The following CDK20 variants were observed in gnomAD, a reference collection of about 807,000 sequenced individuals.
CDK20 encodes cyclin dependent kinase 20.
A neutral mutation model predicts 38.6 loss-of-function variants in CDK20; 40 were observed. The observed-to-expected ratio is 1.04, with a 90% CI of 0.81 to 1.35. The LOEUF (loss-of-function observed/expected upper bound fraction) is 1.35. Among genes scored for constraint, CDK20 ranks in the 40% most tolerant of loss-of-function variants. The probability of loss-of-function intolerance (pLI) is 0.00; values close to 1 mark genes in which losing one functional copy is unlikely to be tolerated. For missense variants in CDK20, 512 were observed against 452.6 expected, an observed-to-expected ratio of 1.13 and a Z score of -1.19; for synonymous variants, 209 against 185.7, an observed-to-expected ratio of 1.13 and a Z score of -1.02.
At chr9:87,972,443 C>A (rs982706730) in intron 2 of CDK20, among the ~76,000 whole-genome samples, 1 of 152,118 alleles carries the variant, frequency 6.6e-6, no homozygotes, top group African/African-American at 2.4e-5. Context: ...CTGCCTTGTT[C>A]TGTGCTCCTG....
chr9:87,974,183 C>T (rs1030960644), intron 1 of CDK20, 148 bp from the exon 2 acceptor site: 2 of 1,413,108 alleles, frequency 1.4e-6, no homozygotes, highest in Admixed American at 2.1e-5. Context: ...GCCTGGGACC[C>T]AGCCGCTGGG....
In CDK20 at chr9:87,967,608, C is replaced by T; in HGVS notation, c.895G>A (p.Glu299Lys). ...CCTAGACGCTGAGGAATCGGCAGCT[C>T]AGATGGATGGGCAGGCAGGGGAGCT... is the stretch of plus-strand genomic sequence containing the variant. ...FTAPLPAHPS[E>K]LPIPQRLGGP... The change falls in exon 8 of 8, where the codon GAG becomes AAG. Residue 299 changes from glutamate to lysine, a missense_variant. Transcript: ENST00000325303. The T allele has an allele frequency of 6.6e-7, 1 of 1,515,138 alleles. No homozygotes were observed. The highest frequency in any genetic ancestry group is 1.4e-5 in the African/African-American group (1 of 72,336). The allele number at this position is 1,515,138 out of a possible 1,614,324, so 93.9% of individuals were successfully genotyped here.
chr9:87,973,557 G>A (rs1201610923), intron 2 of CDK20, among the ~76,000 whole-genome samples: 45 of 152,154 alleles, frequency 3.0e-4, no homozygotes, highest in Non-Finnish European at 1.0e-4. Flanking sequence ...TAGTAAAGAG[G>A]TCTCAAAATG....
rs1829520412 is a variant in CDK20 at position 87,967,583 on chromosome 9, C to G, written c.920G>C (p.Gly307Ala). 1 of 1,539,890 alleles carries G rather than the reference C, an allele frequency of 6.5e-7. No homozygotes were observed. Among genetic ancestry groups the G allele is most frequent in the Non-Finnish European group, 8.8e-7 (1 of 1,139,944 alleles). The change falls in exon 8 of 8, where the codon GGG (glycine) becomes GCG (alanine). Residue 307 changes from glycine (G) to alanine (A), a missense_variant. Physicochemically the swap from Gly to Ala is moderately conservative, Grantham distance 60 (BLOSUM62 0). Transcript: ENST00000325303. ...PSELPIPQRL[G>A]GPAPKAHPGP... The stretch of plus-strand genomic sequence containing the variant: ...TGGATGGGCCTTGGGGGCAGGTCCC[C>G]CTAGACGCTGAGGAATCGGCAGCTC...
intron 2 of CDK20, 149 bp from the exon 3 acceptor site, chr9:87,971,484 G>A: frequency 2.9e-6 from 2 of 687,636 alleles, no homozygotes; most frequent in Non-Finnish European, 4.9e-6. Flanking sequence ...CTAAGAATCA[G>A]AGAGCTCGAT....
At chr9:87,973,646 GAAA>G (rs35629060) in intron 2 of CDK20, among the ~76,000 whole-genome samples, 35 of 151,902 alleles carry the variant, frequency 2.3e-4, no homozygotes, top group Admixed American at 3.3e-4. Context: ...CATGTTTTGA[GAAA>G]AAAAGTCGGT....
intron 1 of CDK20, 97 bp downstream of exon 1, chr9:87,974,275 A>G: frequency 1.5e-6 from 2 of 1,338,738 alleles, no homozygotes; most frequent in Non-Finnish European, 2.1e-6. Flanking sequence ...TAAAAACTGT[A>G]CTGGATGTAA....
At chr9:87,973,871 G>A (rs1206514060) in intron 2 of CDK20, 51 bp downstream of exon 2, 3 of 1,568,904 alleles carry the variant, frequency 1.9e-6, no homozygotes, top group Non-Finnish European at 1.7e-6. Context: ...ACAAAGAAGT[G>A]GGAACGAGCG....
chr9:87,974,208 C>T (rs1021678624), intron 1 of CDK20, 164 bp downstream of exon 1: 2 of 1,296,990 alleles, frequency 1.5e-6, no homozygotes, highest in Admixed American at 2.2e-5. Context: ...GGGACCAAGC[C>T]AGCTGTGCGG....
Position 87,970,629 on chromosome 9 carries a change from AC to A in CDK20, c.501del (p.Arg167SerfsTer32), listed in dbSNP as rs1486416430. ...SRLYTHQVAT[R>X]WYRAPELLYG... is the part of the protein sequence containing the mutation. ...TACAGGAGCTCGGGGGCTCGGTACC[AC>A]CTGCGAGGAAGAGGGCTGGCAGGCA... On this transcript the variant is annotated frameshift_variant and splice_region_variant, in exon 5 of 8. Transcript: ENST00000325303. LOFTEE classifies it high-confidence loss of function. The A allele has an allele frequency of 6.2e-7, 1 of 1,613,868 alleles. No homozygotes were observed. The highest frequency in any genetic ancestry group is 2.2e-5 in the East Asian group (1 of 44,840).
chr9:87,974,499 C>T lies in CDK20; in HGVS notation c.-53G>A. The T allele has an allele frequency of 2.6e-6, 4 of 1,524,892 alleles. No homozygotes were observed. The South Asian group carries it at 3.4e-5, about 13-fold the overall frequency. 94.5% of individuals were successfully genotyped at this position (1,524,892 alleles called of 1,614,324 possible). On this transcript the variant is annotated 5_prime_UTR_variant, in exon 1 of 8. The change creates a new upstream start codon in the 5' untranslated region. Transcript: ENST00000325303. ...TGTGCCCCTGAACTTCCAAACTCCA[C>T]TTCTCCTCCACCCCACGCTGATCTG...
At position 87,966,958 on chromosome 9, in the gene CDK20, C is replaced by T. The variant is rs1249238825; in HGVS notation, c.*504G>A. The T allele has an allele frequency of 1.8e-5, 8 of 434,056 alleles. No homozygotes were observed. Among genetic ancestry groups the T allele is most frequent in the Non-Finnish European group, 2.8e-5 (6 of 214,222 alleles). The allele number at this position is 434,056 out of a possible 1,614,324, so 26.9% of individuals were successfully genotyped here. ...TTGAGAGAAATGAAGGAGGAACAGA[C>T]ATAAGGCAGAGCCACCTGAGGTTTT... On this transcript the variant is annotated 3_prime_UTR_variant, in exon 8 of 8. Coordinates refer to ENST00000325303, the MANE Select transcript of CDK20 (RefSeq NM_001039803.3).
intron 6 of CDK20, 114 bp from the exon 7 acceptor site, chr9:87,969,463 T>G (rs1829695202): frequency 8.9e-7 from 1 of 1,117,320 alleles, no homozygotes. Context: ...TGCTCTCCCA[T>G]CCATGTGTCT....
At chr9:87,967,850 G>C (rs1024222468) in intron 7 of CDK20, 191 bp from the exon 8 acceptor site, 2 of 542,634 alleles carry the variant, frequency 3.7e-6, no homozygotes, top group South Asian at 6.5e-5. Flanking sequence ...CAAAAGCTCT[G>C]TTTTTCTGAC....
At position 87,974,425 on chromosome 9, in the gene CDK20, C is replaced by T. The variant is rs767541571; in HGVS notation, c.22G>A (p.Gly8Ser). 1 of 1,612,804 alleles carries T rather than the reference C, an allele frequency of 6.2e-7. No individual in the cohort carries two copies. Among genetic ancestry groups the T allele is most frequent in the South Asian group, 1.1e-5 (1 of 91,084 alleles). MDQYCIL[G>S]RIGEGAHGIV... is the part of the protein sequence containing the mutation. ...CCGTGGGCGCCCTCCCCGATGCGGC[C>T]CAGGATGCAGTACTGGTCCATCCCG... The change falls in exon 1 of 8, where the codon GGC (glycine) becomes AGC (serine). Residue 8 changes from glycine (G) to serine (S), a missense_variant. Coordinates refer to ENST00000325303, the MANE Select transcript of CDK20 (RefSeq NM_001039803.3).
Position 87,969,299 on chromosome 9 carries a change from C to G in CDK20, c.738G>C (p.Val246=). ...DYNKISFKEQ[V]PMPLEEVLPD... is the part of the protein sequence containing the mutation. ...GCAGCACCTCCTCCAGGGGCATGGG[C>G]ACCTGCTCCTTAAAGGAGATCTTGT... The change falls in exon 7 of 8, where the codon GTG becomes GTC. Residue 246 remains valine, a synonymous_variant. Transcript: ENST00000325303. 6.2e-7 allele frequency: 1 copy of G among 1,614,064 alleles called. No homozygotes were observed. The highest frequency in any genetic ancestry group is 1.7e-5 in the Admixed American group (1 of 60,016).
chr9:87,966,734 T>A lies in CDK20; in HGVS notation c.*728A>T. The A allele has an allele frequency of 3.5e-6, 1 of 284,158 alleles. No homozygotes were observed. Among genetic ancestry groups the A allele is most frequent in the Non-Finnish European group, 6.9e-6 (1 of 144,004 alleles). The allele number at this position is 284,158 out of a possible 1,614,324, so 17.6% of individuals were successfully genotyped here. A position where few individuals can be genotyped will look rare whatever the true frequency, so the allele number is the denominator to read the frequency against. ...AGTAGATGTTGGTAAACCAGCCTCA[T>A]GTGCAGAGGGTCTCCTGCTGGATCC... On this transcript the variant is annotated 3_prime_UTR_variant, in exon 8 of 8. Coordinates refer to ENST00000325303, the MANE Select transcript of CDK20 (RefSeq NM_001039803.3).
chr9:87,968,698 T>G (rs1188430286), intron 7 of CDK20: 1 of 154,380 alleles, frequency 6.5e-6, no homozygotes, highest in African/African-American at 2.4e-5. Flanking sequence ...CTCCCACAGC[T>G]GGAGAACATG....
chr9:87,974,272 T>G, intron 1 of CDK20, 100 bp downstream of exon 1: 1 of 1,330,016 alleles, frequency 7.5e-7, no homozygotes, highest in Non-Finnish European at 1.0e-6. Flanking sequence ...TTTTAAAAAC[T>G]GTACTGGATG....
Sources: allele counts gnomAD v4.1 joint callset (sites outside exome capture counted in the v4.1 genomes callset), GRCh38; gene constraint gnomAD v4.1.1; transcripts MANE v1.5; gene names NCBI Gene and HGNC (gene_info 2026-07-23, HGNC 2026-07-21).